Variants in SMARCAL1 observed in about 807,000 individuals in gnomAD.
SMARCAL1 encodes the protein SNF2 related chromatin remodeling annealing helicase 1.
A neutral mutation model predicts 94.5 loss-of-function variants in SMARCAL1; 58 were observed. The observed-to-expected ratio is 0.61, with a 90% CI of 0.50 to 0.76. The LOEUF is 0.76. Ranked by LOEUF, SMARCAL1 falls within the 30% of genes least tolerant of loss-of-function variation. The pLI is 0.00. For synonymous variants in SMARCAL1, 422 were observed against 455.1 expected, an observed-to-expected ratio of 0.93 and a Z score of 0.93; for missense variants, 1,051 against 1,177.9, an observed-to-expected ratio of 0.89 and a Z score of 1.58.
intron 11 of SMARCAL1, among the ~76,000 whole-genome samples, chr2:216,449,267 TG>T: frequency 6.6e-6 from 1 of 152,266 alleles, no homozygotes; most frequent in Non-Finnish European, 1.5e-5. Context: ...ACTTTTCTAA[TG>T]TGTGAAATTT....
In SMARCAL1 at chr2:216,412,489, T is replaced by C. The variant is rs1446640474; in HGVS notation, c.-255T>C. ...ATGTAGTTCAGCGGTGGCCTAGCCCTTCAGGCCTGGCCGCTACAATAAGGC... is the reference window on the plus strand; with the variant it reads ...ATGTAGTTCAGCGGTGGCCTAGCCCCTCAGGCCTGGCCGCTACAATAAGGC... On this transcript the variant is annotated 5_prime_UTR_variant, in exon 1 of 18. Transcript: ENST00000357276. The C allele has an allele frequency of 6.6e-6, 1 of 152,244 alleles. No homozygotes were observed. Among genetic ancestry groups the C allele is most frequent in the African/African-American group, 2.4e-5 (1 of 41,458 alleles). 9.4% of individuals were successfully genotyped at this position (152,244 alleles called of 1,614,324 possible). A position where few individuals can be genotyped will look rare whatever the true frequency, so the allele number is the denominator to read the frequency against.
intron 17 of SMARCAL1, among the ~76,000 whole-genome samples, chr2:216,480,951 G>A (rs1212604948): frequency 6.6e-6 from 1 of 152,156 alleles, no homozygotes; most frequent in African/African-American, 2.4e-5. Flanking sequence ...AAGCGCAGTT[G>A]AGCTGTTGCA....
chr2:216,432,676 A>C (rs370738393), intron 7 of SMARCAL1, 42 bp from the exon 8 acceptor site: 26 of 1,612,756 alleles, frequency 1.6e-5, no homozygotes, highest in Middle Eastern at 3.5e-4. Context: ...AGATGAACTC[A>C]TGCCCCGGGA....
At position 216,475,382 on chromosome 2, in the gene SMARCAL1, T is replaced by C. The variant is rs1326002442; in HGVS notation, c.2358T>C (p.Ala786=). The C allele has an allele frequency of 1.2e-6, 2 of 1,614,102 alleles. No homozygotes were observed. Residue 786 remains alanine, a synonymous_variant, in exon 15 of 18, where the codon GCT becomes GCC. Coordinates refer to ENST00000357276, the MANE Select transcript of SMARCAL1 (RefSeq NM_014140.4). This position sits in a 1 kb window ranked among gnomAD's most constrained non-coding sequence, Gnocchi z 4.4. ...RHAVAVLSIT[A]ANMGLTFSSA... The stretch of plus-strand genomic sequence containing the variant: ...CTGTGGCCGTGCTGTCCATCACCGC[T>C]GCCAATATGGGCCTCACCTTCTCCT...
rs867138844 is a variant in SMARCAL1 at position 216,452,118 on chromosome 2, G to C, written c.2070+1054G>C. ...TGTATTACATATAATAATCTGGATG[G>C]TCTGGAGTAAGTGAGCAGGCATCAT... On this transcript the variant is annotated intron_variant, in intron 12 of 17. Coordinates refer to ENST00000357276, the MANE Select transcript of SMARCAL1 (RefSeq NM_014140.4). Among the ~76,000 whole-genome samples, 2 of 152,186 alleles carry C rather than the reference G, an allele frequency of 1.3e-5. 1 individual carries two copies. The highest frequency in any genetic ancestry group is 2.9e-5 in the Non-Finnish European group (2 of 68,028).
chr2:216,429,023 A>C (rs1195025097), intron 7 of SMARCAL1, among the ~76,000 whole-genome samples: 1 of 152,222 alleles, frequency 6.6e-6, no homozygotes, highest in African/African-American at 2.4e-5. Flanking sequence ...ACCCAATTCA[A>C]ATTAGCTTAA....
chr2:216,414,959 A>G lies in SMARCAL1; in HGVS notation c.255A>G (p.Arg85=). 6.2e-7 allele frequency: 1 copy of G among 1,614,174 alleles called. No individual in the cohort carries two copies. The change falls in exon 3 of 18, where the codon AGA becomes AGG. Residue 85 remains arginine, a synonymous_variant. Coordinates refer to ENST00000357276, the MANE Select transcript of SMARCAL1 (RefSeq NM_014140.4). ...NLSSSSNADQ[R]PHDSHSFQAK... ...GTAGCTCATCTAATGCTGACCAAAG[A>G]CCTCATGATTCCCACAGTTTTCAGG... is the stretch of plus-strand genomic sequence containing the variant.
chr2:216,435,143 C>T (rs931496771), intron 8 of SMARCAL1, among the ~76,000 whole-genome samples, 195 bp from the exon 9 acceptor site: 3 of 151,912 alleles, frequency 2.0e-5, no homozygotes, highest in African/African-American at 4.8e-5. Flanking sequence ...CAGGTGTGAG[C>T]GACCGCACCC....
chr2:216,477,288 G>A (rs530854629), intron 16 of SMARCAL1, 79 bp downstream of exon 16: 9 of 1,051,164 alleles, frequency 8.6e-6, no homozygotes, highest in South Asian at 4.1e-5. Context: ...TGCTCCCAAA[G>A]TGCTTCTGCT....
intron 17 of SMARCAL1, 97 bp downstream of exon 17, chr2:216,478,396 C>A: frequency 2.2e-6 from 2 of 893,932 alleles, no homozygotes; most frequent in Non-Finnish European, 3.7e-6. Context: ...GTGAATCACT[C>A]CTAGGGACCT....
Position 216,415,448 on chromosome 2 carries a change from C to T in SMARCAL1, c.744C>T (p.Phe248=), listed in dbSNP as rs1325941966. The T allele has an allele frequency of 6.2e-7, 1 of 1,614,126 alleles. No homozygotes were observed. The highest frequency in any genetic ancestry group is 2.2e-5 in the East Asian group (1 of 44,888). ...AGTGCGTAAGGAACGGCGATCGTTT[C>T]CAGGTGTTGATTGGGTACAATGCGG... The part of the protein sequence containing the change: ...KGKCVRNGDR[F]QVLIGYNAEL... The change falls in exon 3 of 18, where the codon TTC becomes TTT. Residue 248 remains phenylalanine, a synonymous_variant. Transcript: ENST00000357276.
intron 10 of SMARCAL1, among the ~76,000 whole-genome samples, chr2:216,445,932 T>G (rs1278174514): frequency 6.6e-6 from 1 of 152,240 alleles, no homozygotes; most frequent in Non-Finnish European, 1.5e-5. Context: ...ACCTAATTTA[T>G]TCTCCTAGGT....
rs1292813370 is a variant in SMARCAL1 at position 216,420,406 on chromosome 2, T to C, written c.970T>C (p.Ser324Pro). Residue 324 changes from serine (S) to proline (P), a missense_variant, in exon 5 of 18, where the codon TCA (serine) becomes CCA (proline). Transcript: ENST00000357276. Reference protein sequence around the residue: ...TSSEGQAGLPSAPSLSFVKGR... With the variant: ...TSSEGQAGLPPAPSLSFVKGR... ...CAGTGAGGGACAGGCCGGCCTTCCATCAGCTCCATCCCTTTCATTTGTCAA... is the reference window on the plus strand; with the variant it reads ...CAGTGAGGGACAGGCCGGCCTTCCACCAGCTCCATCCCTTTCATTTGTCAA... The C allele has an allele frequency of 6.2e-7, 1 of 1,614,184 alleles. No individual in the cohort carries two copies. Among genetic ancestry groups the C allele is most frequent in the South Asian group, 1.1e-5 (1 of 91,086 alleles).
At chr2:216,420,222 C>T in intron 4 of SMARCAL1, 77 bp from the exon 5 acceptor site, 1 of 1,207,568 alleles carries the variant, frequency 8.3e-7, no homozygotes, top group Non-Finnish European at 1.2e-6. Context: ...CTTTCTCCCT[C>T]TTCCCTTGCC....
intron 12 of SMARCAL1, among the ~76,000 whole-genome samples, chr2:216,454,259 G>GCCC (rs1694510178): frequency 3.3e-5 from 5 of 152,190 alleles, no homozygotes. Context: ...TATTAGGTCT[G>GCCC]CACAGTTTGG....
At chr2:216,444,388 A>G (rs284544) in intron 10 of SMARCAL1, among the ~76,000 whole-genome samples, 111,435 of 151,954 alleles carry the variant, frequency 0.73, 41,613 homozygotes, top group African/African-American at 0.88. Flanking sequence ...TACTGGCTCA[A>G]TTGGAAAAAA....
Position 216,482,169 on chromosome 2 carries a change from G to T in SMARCAL1, c.2626-569G>T, listed in dbSNP as rs1268785500. Among the ~76,000 whole-genome samples, 2 of 152,078 alleles carry T rather than the reference G, an allele frequency of 1.3e-5. No homozygotes were observed. Among genetic ancestry groups the T allele is most frequent in the Non-Finnish European group, 2.9e-5 (2 of 68,020 alleles). On this transcript the variant is annotated intron_variant, in intron 17 of 17. Coordinates refer to ENST00000357276, the MANE Select transcript of SMARCAL1 (RefSeq NM_014140.4). The surrounding 1 kb of genome is among the most constrained non-coding windows in gnomAD (Gnocchi z 4.3). ...GAACACAGAGATTTGGAAGTTGGGG[G>T]GCTGGGCACATGGTGGCTCACACCT...
chr2:216,441,380 T>A (rs1358661185), intron 10 of SMARCAL1, among the ~76,000 whole-genome samples: 1 of 152,214 alleles, frequency 6.6e-6, no homozygotes, highest in African/African-American at 2.4e-5. Flanking sequence ...AAATCTATTT[T>A]TATATATAAA....
intron 15 of SMARCAL1, among the ~76,000 whole-genome samples, chr2:216,476,594 T>C (rs915605709): frequency 3.3e-5 from 5 of 152,206 alleles, no homozygotes; most frequent in Non-Finnish European, 5.9e-5. Flanking sequence ...ATTACAGGCG[T>C]GAGCCACCAC....
Sources: allele counts gnomAD v4.1 joint callset (sites outside exome capture counted in the v4.1 genomes callset), GRCh38; gene constraint gnomAD v4.1.1; non-coding constraint Gnocchi (gnomAD v3.1); transcripts MANE v1.5; gene names NCBI Gene and HGNC (gene_info 2026-07-23, HGNC 2026-07-21).